ZNF790: variants seen among roughly 807,000 people sequenced by gnomAD.
ZNF790 encodes zinc finger protein 790.
Under a neutral mutation model 12.1 loss-of-function variants are expected in ZNF790, and 8 were observed. The observed-to-expected ratio is 0.66, with a 90% CI of 0.39 to 1.19. ZNF790 has a LOEUF of 1.19. Among genes scored for constraint, ZNF790 ranks in the 50% most tolerant of loss-of-function variants. The pLI is 0.01. For synonymous variants in ZNF790, 252 were observed against 244.3 expected (o/e 1.03, Z -0.29); for missense variants, 707 against 752.2 (o/e 0.94, Z 0.70).
intron 1 of ZNF790, among the ~76,000 whole-genome samples, chr19:36,848,383 G>A (rs2072199300): frequency 6.6e-6 from 1 of 152,100 alleles, no homozygotes; most frequent in Admixed American, 6.6e-5. Flanking sequence ...AAACACAAAG[G>A]GCTGAGTTCA....
At chr19:36,845,522 G>A (rs2072172530) in intron 1 of ZNF790, among the ~76,000 whole-genome samples, 1 of 152,092 alleles carries the variant, frequency 6.6e-6, no homozygotes, top group African/African-American at 2.4e-5. Context: ...GGTTTTGAAT[G>A]TATGCAGAAT....
chr19:36,842,733 C>T (rs930151293), upstream of ZNF790, among the ~76,000 whole-genome samples: 6 of 150,988 alleles, frequency 4.0e-5, no homozygotes, highest in East Asian at 3.9e-4. Flanking sequence ...GGGCTGGGCG[C>T]GGTGGCTCAT....
At chr19:36,843,999 C>T (rs150238434) in intron 1 of ZNF790, among the ~76,000 whole-genome samples, 2,309 of 127,914 alleles carry the variant, frequency 0.018, 32 homozygotes, top group Middle Eastern at 0.055. Context: ...AAGAGCGAAA[C>T]TCCATCTCAA....
intron 1 of ZNF790, among the ~76,000 whole-genome samples, chr19:36,830,935 C>A (rs1266865793): frequency 6.6e-6 from 1 of 152,120 alleles, no homozygotes; most frequent in Admixed American, 6.6e-5. Flanking sequence ...GTCAGGAGAT[C>A]GAGACCATCC....
upstream of ZNF790, among the ~76,000 whole-genome samples, chr19:36,840,171 C>T (rs757729745): frequency 6.6e-6 from 1 of 152,066 alleles, no homozygotes; most frequent in Non-Finnish European, 1.5e-5. Context: ...CTGGATTAAC[C>T]GAAAACCCCA....
intron 2 of ZNF790, among the ~76,000 whole-genome samples, chr19:36,824,746 T>G (rs1025724464): frequency 2.6e-5 from 4 of 151,560 alleles, no homozygotes; most frequent in Non-Finnish European, 5.9e-5. Flanking sequence ...AGCCCCAGAT[T>G]TATTATGTGA....
At chr19:36,835,306 A>C (rs979023331) in intron 1 of ZNF790, among the ~76,000 whole-genome samples, 7 of 150,656 alleles carry the variant, frequency 4.6e-5, no homozygotes, top group African/African-American at 7.5e-5. Context: ...AAATAAAATA[A>C]AATTTCATTA....
chr19:36,839,810 C>A (rs150640556), upstream of ZNF790, among the ~76,000 whole-genome samples: 235 of 152,268 alleles, frequency 1.5e-3, no homozygotes, highest in African/African-American at 5.4e-3. Flanking sequence ...CGCCTGTAAT[C>A]CCAGCACTTT....
chr19:36,840,601 A>G (rs533141571), upstream of ZNF790, among the ~76,000 whole-genome samples: 3 of 152,166 alleles, frequency 2.0e-5, no homozygotes, highest in Non-Finnish European at 4.4e-5. Context: ...AACATAAACC[A>G]TACTGTTTGT....
At chr19:36,824,676 C>G (rs946636573) in intron 2 of ZNF790, among the ~76,000 whole-genome samples, 1 of 152,188 alleles carries the variant, frequency 6.6e-6, no homozygotes, top group Non-Finnish European at 1.5e-5. Flanking sequence ...TAGCCCAGAA[C>G]AGACATCATA....
chr19:36,848,359 T>C (rs1260776531), intron 1 of ZNF790, among the ~76,000 whole-genome samples: 1 of 152,236 alleles, frequency 6.6e-6, no homozygotes, highest in Non-Finnish European at 1.5e-5. Flanking sequence ...GCCTACATAA[T>C]GAAGCCTTCA....
chr19:36,820,748 T>G (rs1315217164), intron 4 of ZNF790, among the ~76,000 whole-genome samples: 2 of 151,918 alleles, frequency 1.3e-5, no homozygotes, highest in Non-Finnish European at 2.9e-5. Flanking sequence ...TATAAAAAAT[T>G]AGCCAGGAGT....
upstream of ZNF790, among the ~76,000 whole-genome samples, chr19:36,839,589 G>A (rs568679629): frequency 7.9e-5 from 12 of 152,052 alleles, no homozygotes; most frequent in African/African-American, 2.9e-4. Flanking sequence ...ACAGGGTCTC[G>A]CCATGTTGGC....
intron 1 of ZNF790, among the ~76,000 whole-genome samples, chr19:36,836,931 G>A (rs2072058988): frequency 6.6e-6 from 1 of 152,122 alleles, no homozygotes; most frequent in South Asian, 2.1e-4. Context: ...CACTGATCTT[G>A]CAAGACCATC....
chr19:36,820,885 AC>A (rs1337992416), intron 4 of ZNF790, among the ~76,000 whole-genome samples: 6 of 131,794 alleles, frequency 4.6e-5, no homozygotes, highest in Non-Finnish European at 8.0e-5. Context: ...ACAGAGTGAG[AC>A]CCTGTCTTTT....
chr19:36,845,362 G>T (rs553758070), intron 1 of ZNF790, among the ~76,000 whole-genome samples: 1 of 151,294 alleles, frequency 6.6e-6, no homozygotes, highest in Admixed American at 6.6e-5. Flanking sequence ...GCTGCAGTGA[G>T]CCATGATCAT....
intron 1 of ZNF790, among the ~76,000 whole-genome samples, chr19:36,826,114 T>C (rs73607672): frequency 0.015 from 2,314 of 152,238 alleles, 66 homozygotes; most frequent in African/African-American, 0.052. Flanking sequence ...GAATTTCTTA[T>C]TTTATTGAGT....
At chr19:36,829,231 TTCA>T (rs2071895847) in intron 1 of ZNF790, among the ~76,000 whole-genome samples, 1 of 152,208 alleles carries the variant, frequency 6.6e-6, no homozygotes, top group Non-Finnish European at 1.5e-5. Flanking sequence ...TTAGAATATT[TTCA>T]TCATTTCGAA....
chr19:36,823,667 C>G lies in ZNF790; in HGVS notation c.133G>C (p.Gly45Arg). 1 of 1,602,534 alleles carries G rather than the reference C, an allele frequency of 6.2e-7. No individual in the cohort carries two copies. Among genetic ancestry groups the G allele is most frequent in the Non-Finnish European group, 8.5e-7 (1 of 1,177,482 alleles). Residue 45 changes from glycine (G) to arginine (R), a missense_variant and splice_region_variant, in exon 3 of 5, where the codon GGT becomes CGT. Physicochemically the swap from Gly to Arg is moderately radical, Grantham distance 125 (BLOSUM62 -2). Coordinates refer to ENST00000356725, the MANE Select transcript of ZNF790 (RefSeq NM_206894.4). Reference protein sequence around the residue: ...LENYSNMVSLGFCIYQPEAFS... With the variant: ...LENYSNMVSLRFCIYQPEAFS... Reference sequence around the variant, plus strand: ...TTCTAAGGAAAATGCTGAATCTTACCCAGTGAGACCATGTTGCTGTAGTTC... The same window carrying G: ...TTCTAAGGAAAATGCTGAATCTTACGCAGTGAGACCATGTTGCTGTAGTTC...
Sources: gnomAD v4.1 joint callset for allele counts (sites outside exome capture counted in the v4.1 genomes callset) on GRCh38, gnomAD v4.1.1 for gene constraint, MANE v1.5 for transcripts, NCBI Gene and HGNC (gene_info 2026-07-23, HGNC 2026-07-21) for gene names.